The following KBTBD11 variants were observed in gnomAD, a reference collection of about 807,000 sequenced individuals.
The protein encoded by KBTBD11 is kelch repeat and BTB domain-containing protein 11.
For synonymous variants in KBTBD11, 747 were observed against 499.0 expected, an observed-to-expected ratio of 1.50 and a Z score of -6.63; for missense variants, 1,390 against 1,001.8, an observed-to-expected ratio of 1.39 and a Z score of -5.23.
intron 1 of KBTBD11, among the ~76,000 whole-genome samples, chr8:1,987,558 C>T (rs76282775): frequency 1.3e-5 from 2 of 152,214 alleles, no homozygotes; most frequent in East Asian, 1.9e-4. Context: ...CCCCTGCGCT[C>T]CGGCCACCCT....
In KBTBD11 at chr8:2,002,205, G is replaced by A. The variant is rs1269298435; in HGVS notation, c.1013G>A (p.Arg338His). ...TTCCACGCGGCGGCCGGAGAGTGGC[G>A]CGAGCTGACGCGGCTGCCCGAGGGC... ...YCFHAAAGEW[R>H]ELTRLPEGAP... The change falls in exon 2 of 2, where the codon CGC (arginine) becomes CAC (histidine). Residue 338 changes from arginine (R) to histidine (H), a missense_variant. Transcript: ENST00000320248. The surrounding 1 kb of genome is among the most constrained non-coding windows in gnomAD (Gnocchi z 4.1). 2 of 1,259,710 alleles carry A rather than the reference G, an allele frequency of 1.6e-6. No homozygotes were observed. Among genetic ancestry groups the A allele is most frequent in the Non-Finnish European group, 9.9e-7 (1 of 1,006,132 alleles). 78.0% of individuals were successfully genotyped at this position (1,259,710 alleles called of 1,614,324 possible).
chr8:1,996,514 C>A (rs1817143020), intron 1 of KBTBD11, among the ~76,000 whole-genome samples: 2 of 152,084 alleles, frequency 1.3e-5, no homozygotes, highest in African/African-American at 4.8e-5. Context: ...GTGACCCACC[C>A]ACCTCGGCCT....
intron 1 of KBTBD11, among the ~76,000 whole-genome samples, chr8:1,996,440 A>AT (rs1379969498): frequency 5.9e-5 from 9 of 151,928 alleles, no homozygotes; most frequent in Non-Finnish European, 1.0e-4. Flanking sequence ...CTGATTTTGT[A>AT]TTTTTTTAGT....
intron 1 of KBTBD11, among the ~76,000 whole-genome samples, chr8:1,992,233 G>T (rs992503106): frequency 6.6e-6 from 1 of 152,136 alleles, no homozygotes; most frequent in Non-Finnish European, 1.5e-5. Context: ...TTTCTCAACT[G>T]TAAAACGTGG....
At position 2,002,386 on chromosome 8, in the gene KBTBD11, G is replaced by A. The variant is rs1448890053; in HGVS notation, c.1194G>A (p.Leu398=). 2 of 1,479,540 alleles carry A rather than the reference G, an allele frequency of 1.4e-6. No homozygotes were observed. Among genetic ancestry groups the A allele is most frequent in the Non-Finnish European group, 1.8e-6 (2 of 1,121,250 alleles). 91.7% of individuals were successfully genotyped at this position (1,479,540 alleles called of 1,614,324 possible). A position where few individuals can be genotyped will look rare whatever the true frequency, so the allele number is the denominator to read the frequency against. The change falls in exon 2 of 2, where the codon CTG becomes CTA. Residue 398 remains leucine, a synonymous_variant. Transcript: ENST00000320248. This position sits in a 1 kb window ranked among gnomAD's most constrained non-coding sequence, Gnocchi z 4.1. The part of the protein sequence containing the change: ...ATDSWSAVRP[L]RQARSQLRLL... ...ACAGCTGGAGCGCCGTGAGGCCCCTGCGCCAGGCGCGCTCGCAGCTGCGGC... is the reference window on the plus strand; with the variant it reads ...ACAGCTGGAGCGCCGTGAGGCCCCTACGCCAGGCGCGCTCGCAGCTGCGGC...
chr8:2,002,678 G>T lies in KBTBD11; in HGVS notation c.1486G>T (p.Val496Leu). The change falls in exon 2 of 2, where the codon GTG (valine) becomes TTG (leucine). Residue 496 changes from valine to leucine, a missense_variant. Transcript: ENST00000320248. This position sits in a 1 kb window ranked among gnomAD's most constrained non-coding sequence, Gnocchi z 4.1. ...CAGCCGCGAGCGCTCGGCCGACATG[G>T]TGGCTCTCGACGGCTTCATCTACCG... ...SSSRERSADMVALDGFIYRFD... is the reference protein window; with the variant it reads ...SSSRERSADMLALDGFIYRFD... 1 of 1,566,554 alleles carries T rather than the reference G, an allele frequency of 6.4e-7. No individual in the cohort carries two copies. The highest frequency in any genetic ancestry group is 8.6e-7 in the Non-Finnish European group (1 of 1,165,340).
chr8:1,988,024 T>C (rs1245464312), intron 1 of KBTBD11, among the ~76,000 whole-genome samples: 1 of 152,150 alleles, frequency 6.6e-6, no homozygotes, highest in African/African-American at 2.4e-5. Flanking sequence ...AGAATGATGG[T>C]TTCCAGCTTC....
Position 2,001,893 on chromosome 8 carries a change from C to T in KBTBD11, c.701C>T (p.Ala234Val). The change falls in exon 2 of 2, where the codon GCC (alanine) becomes GTC (valine). Residue 234 changes from alanine to valine, a missense_variant. Coordinates refer to ENST00000320248, the MANE Select transcript of KBTBD11 (RefSeq NM_014867.3). The part of the protein sequence containing the change: ...TDAVGPQLSL[A>V]NCYEVLSAAK... ...GCCGTGGGGCCGCAGCTGAGCCTGG[C>T]CAACTGCTACGAGGTCCTGAGCGCG... 3.5e-6 allele frequency: 5 copies of T among 1,410,504 alleles called. No individual in the cohort carries two copies. The highest frequency in any genetic ancestry group is 1.3e-5 in the South Asian group (1 of 76,656). 87.4% of individuals were successfully genotyped at this position (1,410,504 alleles called of 1,614,324 possible).
At position 2,001,605 on chromosome 8, in the gene KBTBD11, G is replaced by A; in HGVS notation, c.413G>A (p.Gly138Glu). ...PVPPGFGAVY[G>E]EPDLVLEVSG... ...CCCCCGGGGTTCGGGGCGGTGTACGGGGAGCCGGACCTGGTGCTGGAGGTG... is the reference window on the plus strand; with the variant it reads ...CCCCCGGGGTTCGGGGCGGTGTACGAGGAGCCGGACCTGGTGCTGGAGGTG... The change falls in exon 2 of 2, where the codon GGG becomes GAG. Residue 138 changes from glycine (G) to glutamate (E), a missense_variant. Transcript: ENST00000320248. 6.8e-7 allele frequency: 1 copy of A among 1,474,282 alleles called. No individual in the cohort carries two copies. The highest frequency in any genetic ancestry group is 2.9e-5 in the East Asian group (1 of 34,140). The allele number at this position is 1,474,282 out of a possible 1,614,324, so 91.3% of individuals were successfully genotyped here.
intron 1 of KBTBD11, among the ~76,000 whole-genome samples, chr8:1,997,799 A>G (rs561387003): frequency 6.6e-6 from 1 of 152,362 alleles, no homozygotes; most frequent in Admixed American, 6.5e-5. Context: ...ACGCTGTACC[A>G]TGTTGAGACC....
Position 2,002,410 on chromosome 8 carries a change from G to A in KBTBD11, c.1218G>A (p.Arg406=). 6.7e-7 allele frequency: 1 copy of A among 1,483,212 alleles called. No individual in the cohort carries two copies. Among genetic ancestry groups the A allele is most frequent in the Non-Finnish European group, 8.9e-7 (1 of 1,123,228 alleles). 91.9% of individuals were successfully genotyped at this position (1,483,212 alleles called of 1,614,324 possible). ...TGCGCCAGGCGCGCTCGCAGCTGCG[G>A]CTGCTGGCCCTGGACGGTCACCTCT... ...RPLRQARSQL[R]LLALDGHLYA... is the part of the protein sequence containing the mutation. Residue 406 remains arginine (R), a synonymous_variant, in exon 2 of 2, where the codon CGG becomes CGA. Coordinates refer to ENST00000320248, the MANE Select transcript of KBTBD11 (RefSeq NM_014867.3). The surrounding 1 kb of genome is among the most constrained non-coding windows in gnomAD (Gnocchi z 4.1).
At chr8:1,981,772 C>G (rs34997283) in intron 1 of KBTBD11, among the ~76,000 whole-genome samples, 24,336 of 152,182 alleles carry the variant, frequency 0.16, 2,325 homozygotes, top group African/African-American at 0.26. Context: ...GGTTCTCCAG[C>G]CTTTGGACTC....
At position 2,003,016 on chromosome 8, in the gene KBTBD11, T is replaced by C. The variant is rs1817456537; in HGVS notation, c.1824T>C (p.Ala608=). The stretch of plus-strand genomic sequence containing the variant: ...TCCGGGGTGTGCTCATCCCGTTCGC[T>C]CTCAGCCTGCCTGAGAAGCCGCCCC... ...LDVRGVLIPF[A]LSLPEKPPRG... Residue 608 remains alanine (A), a synonymous_variant, in exon 2 of 2, where the codon GCT becomes GCC. Transcript: ENST00000320248. The C allele has an allele frequency of 1.6e-6, 2 of 1,280,388 alleles. No homozygotes were observed. Among genetic ancestry groups the C allele is most frequent in the East Asian group, 3.1e-5 (1 of 31,820 alleles). The allele number at this position is 1,280,388 out of a possible 1,614,324, so 79.3% of individuals were successfully genotyped here.
chr8:1,980,741 GGCAGGGGCAGC>G (rs1390326486), intron 1 of KBTBD11, among the ~76,000 whole-genome samples: 2 of 152,216 alleles, frequency 1.3e-5, no homozygotes, highest in Non-Finnish European at 2.9e-5. Flanking sequence ...GCAGGGGCAG[GGCAGGGGCAGC>G]ATGTTTCCTA....
chr8:1,974,362 G>A (rs1427973544), intron 1 of KBTBD11: 3 of 984,648 alleles, frequency 3.0e-6, no homozygotes, highest in South Asian at 4.7e-5. Context: ...CGCCGCCCCA[G>A]CCGGCACGGA....
intron 1 of KBTBD11, among the ~76,000 whole-genome samples, chr8:1,991,796 T>C (rs1160787778): frequency 6.6e-6 from 1 of 151,748 alleles, no homozygotes; most frequent in Non-Finnish European, 1.5e-5. Context: ...ACGAGATCAC[T>C]GAATGGAGCA....
At position 2,003,113 on chromosome 8, in the gene KBTBD11, A is replaced by G. The variant is rs1387558453; in HGVS notation, c.*49A>G. 8.0e-7 allele frequency: 1 copy of G among 1,254,686 alleles called. No individual in the cohort carries two copies. Among genetic ancestry groups the G allele is most frequent in the South Asian group, 3.5e-5 (1 of 28,572 alleles). The allele number at this position is 1,254,686 out of a possible 1,614,324, so 77.7% of individuals were successfully genotyped here. A position where few individuals can be genotyped will look rare whatever the true frequency, so the allele number is the denominator to read the frequency against. The stretch of plus-strand genomic sequence containing the variant: ...CCCTCGGCAGGGGTTTGCGGGGCCC[A>G]GGTCCCTTTGGGCCCGCGGAGGAGG... On this transcript the variant is annotated 3_prime_UTR_variant, in exon 2 of 2. Coordinates refer to ENST00000320248, the MANE Select transcript of KBTBD11 (RefSeq NM_014867.3).
Position 2,001,338 on chromosome 8 carries a change from C to T in KBTBD11, c.146C>T (p.Ser49Phe). 1.3e-6 allele frequency: 2 copies of T among 1,511,562 alleles called. No homozygotes were observed. Among genetic ancestry groups the T allele is most frequent in the Non-Finnish European group, 8.8e-7 (1 of 1,137,568 alleles). The allele number at this position is 1,511,562 out of a possible 1,614,324, so 93.6% of individuals were successfully genotyped here. A position where few individuals can be genotyped will look rare whatever the true frequency, so the allele number is the denominator to read the frequency against. Residue 49 changes from serine (S) to phenylalanine (F), a missense_variant, in exon 2 of 2, where the codon TCC becomes TTC. Coordinates refer to ENST00000320248, the MANE Select transcript of KBTBD11 (RefSeq NM_014867.3). ...ASLCFSSGEE[S>F]PPQSLASAAE... ...CTGTGCTTCAGCTCCGGGGAAGAGTCCCCGCCGCAGTCCCTCGCCTCAGCG... is the reference window on the plus strand; with the variant it reads ...CTGTGCTTCAGCTCCGGGGAAGAGTTCCCGCCGCAGTCCCTCGCCTCAGCG...
intron 1 of KBTBD11, among the ~76,000 whole-genome samples, chr8:1,981,287 T>C (rs1816532190): frequency 1.3e-5 from 2 of 152,202 alleles, no homozygotes; most frequent in African/African-American, 4.8e-5. Context: ...TAAGAAATGC[T>C]TAAGGGAATT....
Sources: allele counts gnomAD v4.1 joint callset (sites outside exome capture counted in the v4.1 genomes callset), GRCh38; gene constraint gnomAD v4.1.1; non-coding constraint Gnocchi (gnomAD v3.1); transcripts MANE v1.5; gene names NCBI Gene and HGNC (gene_info 2026-07-23, HGNC 2026-07-21).